SAMSN1: variants seen among roughly 807,000 people sequenced by gnomAD.
The protein encoded by SAMSN1 is SAM domain, SH3 domain and nuclear localization signals 1.
SAMSN1 carries 31 observed loss-of-function variants against 42.0 expected under a neutral mutation model. The ratio of observed to expected loss-of-function variants is 0.74; its 90% CI spans 0.55 to 1.00. The LOEUF (loss-of-function observed/expected upper bound fraction) is 1.00. SAMSN1 is among the 50% of genes least tolerant of loss of function. The pLI is 0.00. For missense variants in SAMSN1, 464 were observed against 439.4 expected (o/e 1.06, Z -0.50); for synonymous variants, 178 against 151.9 (o/e 1.17, Z -1.26).
intron 2 of SAMSN1, among the ~76,000 whole-genome samples, chr21:14,566,264 A>G (rs1006450479): frequency 6.6e-6 from 1 of 152,210 alleles, no homozygotes; most frequent in Non-Finnish European, 1.5e-5. Context: ...TTGCAAGACC[A>G]TCAGAAAAAG....
At chr21:14,635,711 G>A (rs569260375) in intron 2 of SAMSN1, among the ~76,000 whole-genome samples, 6 of 152,236 alleles carry the variant, frequency 3.9e-5, no homozygotes, top group South Asian at 2.1e-4. Flanking sequence ...TACTCTGCCC[G>A]GGTGTGGTGG....
intron 5 of SAMSN1, among the ~76,000 whole-genome samples, chr21:14,509,051 G>A (rs149921463): frequency 8.0e-4 from 121 of 152,056 alleles, no homozygotes; most frequent in Admixed American, 2.2e-3. Context: ...AGGAGGCGGA[G>A]GTTTCAGTGA....
chr21:14,605,051 G>A (rs1268662698), intron 5 of SAMSN1, among the ~76,000 whole-genome samples: 2 of 152,204 alleles, frequency 1.3e-5, no homozygotes, highest in Non-Finnish European at 2.9e-5. Flanking sequence ...ATAAAAATAT[G>A]CCATCCAGCA....
chr21:14,599,936 T>C (rs1982384961), intron 6 of SAMSN1, among the ~76,000 whole-genome samples: 1 of 152,134 alleles, frequency 6.6e-6, no homozygotes, highest in African/African-American at 2.4e-5. Context: ...TCACCAACTC[T>C]CTTGAATTCA....
intron 1 of SAMSN1, among the ~76,000 whole-genome samples, chr21:14,646,851 G>A (rs1010641852): frequency 1.6e-4 from 25 of 152,018 alleles, no homozygotes; most frequent in African/African-American, 6.0e-4. Flanking sequence ...TTGTCAGCAG[G>A]TTAAAATAAT....
intron 2 of SAMSN1, among the ~76,000 whole-genome samples, chr21:14,627,880 T>G (rs1285772749): frequency 6.6e-6 from 1 of 152,114 alleles, no homozygotes; most frequent in Non-Finnish European, 1.5e-5. Context: ...CGAGGATAAG[T>G]GATTCTAGGA....
At chr21:14,621,506 C>G (rs572242583) in intron 2 of SAMSN1, among the ~76,000 whole-genome samples, 2 of 152,224 alleles carry the variant, frequency 1.3e-5, no homozygotes, top group Admixed American at 6.5e-5. Flanking sequence ...TATCCCACAC[C>G]TGGCTCAGAG....
chr21:14,538,925 A>G (rs1979815013), intron 1 of SAMSN1, among the ~76,000 whole-genome samples: 1 of 152,210 alleles, frequency 6.6e-6, no homozygotes, highest in African/African-American at 2.4e-5. Context: ...TGGTACTTGA[A>G]TCTCCTTTAC....
At chr21:14,494,677 G>T (rs1025769789) in intron 7 of SAMSN1, among the ~76,000 whole-genome samples, 1 of 150,408 alleles carries the variant, frequency 6.6e-6, no homozygotes, top group African/African-American at 2.5e-5. Flanking sequence ...TCCATGTTCT[G>T]CACGTGTATC....
chr21:14,498,290 A>G, intron 7 of SAMSN1, 152 bp downstream of exon 7: 2 of 630,450 alleles, frequency 3.2e-6, no homozygotes, highest in South Asian at 4.9e-5. Flanking sequence ...GACCAGAGTT[A>G]TTGTTTTCAA....
At chr21:14,497,420 C>G (rs142905470) in intron 7 of SAMSN1, among the ~76,000 whole-genome samples, 3 of 152,030 alleles carry the variant, frequency 2.0e-5, no homozygotes, top group Non-Finnish European at 4.4e-5. Flanking sequence ...TATGGTGAAA[C>G]CCCATCTCTA....
chr21:14,628,746 T>C (rs555136411), intron 2 of SAMSN1, among the ~76,000 whole-genome samples: 3 of 152,298 alleles, frequency 2.0e-5, no homozygotes, highest in African/African-American at 7.2e-5. Context: ...TTACTAAGAA[T>C]GACAAGGATA....
chr21:14,654,266 A>G (rs1568844684), intron 1 of SAMSN1, among the ~76,000 whole-genome samples: 1 of 152,016 alleles, frequency 6.6e-6, no homozygotes, highest in South Asian at 2.1e-4. Flanking sequence ...CCTTTAGAAC[A>G]TTTGGCCAAT....
intron 7 of SAMSN1, among the ~76,000 whole-genome samples, chr21:14,591,044 T>C (rs993306220): frequency 6.6e-6 from 1 of 152,166 alleles, no homozygotes; most frequent in Non-Finnish European, 1.5e-5. Context: ...AAAAAGACAA[T>C]TTAAGATAAT....
At chr21:14,541,790 G>C (rs1980049271) in intron 1 of SAMSN1, among the ~76,000 whole-genome samples, 1 of 152,128 alleles carries the variant, frequency 6.6e-6, no homozygotes, top group Non-Finnish European at 1.5e-5. Context: ...TATTAAGAAA[G>C]TTGTTAGCCT....
At chr21:14,583,813 TC>T, upstream of SAMSN1, 1 of 702,408 alleles carries the variant, frequency 1.4e-6, no homozygotes, top group South Asian at 1.6e-5. Flanking sequence ...GACAAATTAT[TC>T]CTCACAAAAG....
intron 7 of SAMSN1, chr21:14,593,875 C>A (rs1982167965): frequency 7.3e-6 from 4 of 549,680 alleles, no homozygotes; most frequent in Non-Finnish European, 1.3e-5. Context: ...TATTTATGTT[C>A]TTTAGAAACA....
At chr21:14,642,446 C>G (rs573884406) in intron 2 of SAMSN1, among the ~76,000 whole-genome samples, 20 of 152,248 alleles carry the variant, frequency 1.3e-4, no homozygotes, top group Admixed American at 1.2e-3. Context: ...TTGAAAGCAG[C>G]CAGTGATGTG....
At chr21:14,530,141 C>T (rs998170426) in intron 1 of SAMSN1, among the ~76,000 whole-genome samples, 3 of 151,822 alleles carry the variant, frequency 2.0e-5, no homozygotes, top group Non-Finnish European at 4.4e-5. Flanking sequence ...ACGGTGAAAC[C>T]CCATCCCTAC....
Sources: gnomAD v4.1 joint callset for allele counts (sites outside exome capture counted in the v4.1 genomes callset) on GRCh38, gnomAD v4.1.1 for gene constraint, MANE v1.5 for transcripts, NCBI Gene and HGNC (gene_info 2026-07-23, HGNC 2026-07-21) for gene names.